Variants in ZNF44 observed in about 807,000 individuals in gnomAD.
The protein encoded by ZNF44 is gonadotropin inducible transcription repressor-2.
In ZNF44, 9 loss-of-function variants were observed where a neutral mutation model predicts 11.7. The observed-to-expected ratio is 0.77, with a 90% CI of 0.46 to 1.35. The LOEUF (loss-of-function observed/expected upper bound fraction) is 1.35. Among genes scored for constraint, ZNF44 ranks in the 40% most tolerant of loss-of-function variants. The pLI is 0.00. For missense variants in ZNF44, 696 were observed against 743.1 expected, an observed-to-expected ratio of 0.94 and a Z score of 0.74; for synonymous variants, 224 against 242.7, an observed-to-expected ratio of 0.92 and a Z score of 0.72.
intron 1 of ZNF44, among the ~76,000 whole-genome samples, chr19:12,289,940 C>T (rs1351422953): frequency 6.7e-6 from 1 of 149,832 alleles, no homozygotes; most frequent in Non-Finnish European, 1.5e-5. Context: ...CTAGAATAAA[C>T]TCATTTCTTA....
chr19:12,253,371 G>A lies in ZNF44; in HGVS notation c.1913-3003C>T, dbSNP rs541343446. 1.8e-4 allele frequency among the ~76,000 whole-genome samples: 27 copies of A among 151,584 alleles called. No individual in the cohort carries two copies. The East Asian group carries it at 5.3e-3, about 30-fold the overall frequency. On this transcript the variant is annotated intron_variant and NMD_transcript_variant, in intron 5 of 7. Transcript: ENST00000393337. ...CACCTGGCTAATTTTTGTATTTTTA[G>A]TAGAGAGAGGGTTTTGTCATGTTGG...
intron 1 of ZNF44, among the ~76,000 whole-genome samples, chr19:12,277,518 A>T (rs1967279605): frequency 6.6e-6 from 1 of 151,954 alleles, no homozygotes; most frequent in Non-Finnish European, 1.5e-5. Flanking sequence ...AAAGATGCTT[A>T]AAAAAAACCT....
At chr19:12,240,294 A>AATT (rs749670613), upstream of ZNF44, among the ~76,000 whole-genome samples, 2 of 151,766 alleles carry the variant, frequency 1.3e-5, no homozygotes, top group Non-Finnish European at 2.9e-5. Context: ...AAATACAAAA[A>AATT]ATTAGCCGGG....
chr19:12,262,737 C>A (rs1917562739), intron 5 of ZNF44, among the ~76,000 whole-genome samples: 1 of 152,210 alleles, frequency 6.6e-6, no homozygotes, highest in Non-Finnish European at 1.5e-5. Context: ...TGCTTGGTTC[C>A]AGAATTGTCT....
At chr19:12,279,838 A>G (rs1967389448) in intron 1 of ZNF44, among the ~76,000 whole-genome samples, 1 of 142,444 alleles carries the variant, frequency 7.0e-6, no homozygotes, top group African/African-American at 2.7e-5. Flanking sequence ...ATGAAGGTAA[A>G]ACAATTGAAA....
At chr19:12,250,073 T>C in intron 6 of ZNF44, 1 of 1,260,608 alleles carries the variant, frequency 7.9e-7, no homozygotes. Context: ...TATCATAAAT[T>C]ATTAGAAATT....
Position 12,294,677 on chromosome 19 carries a change from GC to G in ZNF44, c.3+14del. The G allele has an allele frequency of 1.3e-6, 2 of 1,560,054 alleles. No individual in the cohort carries two copies. Among genetic ancestry groups the G allele is most frequent in the Non-Finnish European group, 1.7e-6 (2 of 1,153,194 alleles). ...CCTTCGCCCTGCCTCAGGACGCCGGGCCCCGCACACTCACCATTTCCCGGCT... is the reference window on the plus strand; with the variant it reads ...CCTTCGCCCTGCCTCAGGACGCCGGGCCCGCACACTCACCATTTCCCGGCT... On this transcript the variant is annotated intron_variant, in intron 1 of 3. Transcript: ENST00000355684.
At chr19:12,256,037 C>CAAA (rs74180061) in intron 5 of ZNF44, among the ~76,000 whole-genome samples, 11 of 39,676 alleles carry the variant, frequency 2.8e-4, no homozygotes, top group South Asian at 1.4e-3. Context: ...AACTCTGTCT[C>CAAA]AAAAAAAAAA....
intron 1 of ZNF44, 95 bp downstream of exon 1, chr19:12,294,597 C>T: frequency 6.7e-7 from 1 of 1,498,352 alleles, no homozygotes. Context: ...ACCCCAAAGA[C>T]GCTGCGGCGA....
At chr19:12,282,110 C>T (rs1237653225) in intron 1 of ZNF44, among the ~76,000 whole-genome samples, 1 of 152,188 alleles carries the variant, frequency 6.6e-6, no homozygotes, top group Non-Finnish European at 1.5e-5. Context: ...AAGGGTTAGA[C>T]TGCCATCTTC....
chr19:12,240,778 T>C (rs909749558), upstream of ZNF44, among the ~76,000 whole-genome samples: 11 of 152,296 alleles, frequency 7.2e-5, no homozygotes, highest in African/African-American at 2.2e-4. Context: ...CCTTACCTTA[T>C]ATACAAAAAT....
At chr19:12,287,574 T>C (rs1599547995) in intron 1 of ZNF44, among the ~76,000 whole-genome samples, 1 of 152,204 alleles carries the variant, frequency 6.6e-6, no homozygotes, top group South Asian at 2.1e-4. Context: ...TCTTTCTGTG[T>C]CTGAGTTGTT....
At chr19:12,229,538 A>G (rs762781039) in intron 3 of ZNF44, among the ~76,000 whole-genome samples, 9 of 152,176 alleles carry the variant, frequency 5.9e-5, no homozygotes, top group African/African-American at 2.2e-4. Context: ...AACAAGATCT[A>G]TGAAGAGAAG....
At chr19:12,239,311 A>T (rs1364546427), upstream of ZNF44, among the ~76,000 whole-genome samples, 1 of 150,734 alleles carries the variant, frequency 6.6e-6, no homozygotes, top group African/African-American at 2.4e-5. Flanking sequence ...ACGGGGTTTC[A>T]CCATGTTGAC....
At chr19:12,262,420 A>G (rs1917545520) in intron 5 of ZNF44, among the ~76,000 whole-genome samples, 1 of 151,894 alleles carries the variant, frequency 6.6e-6, no homozygotes, top group Non-Finnish European at 1.5e-5. Flanking sequence ...ACAGGCGCAC[A>G]CCACCACACC....
chr19:12,294,823 G>T lies in ZNF44; in HGVS notation c.-129C>A. The T allele has an allele frequency of 9.0e-7, 1 of 1,105,440 alleles. No individual in the cohort carries two copies. The highest frequency in any genetic ancestry group is 1.2e-6 in the Non-Finnish European group (1 of 804,382). 68.5% of individuals were successfully genotyped at this position (1,105,440 alleles called of 1,614,324 possible). A position where few individuals can be genotyped will look rare whatever the true frequency, so the allele number is the denominator to read the frequency against. On this transcript the variant is annotated 5_prime_UTR_variant, in exon 1 of 4. Coordinates refer to ENST00000355684, the MANE Select transcript of ZNF44 (RefSeq NM_016264.4). ...AGAATACGGAACAGAGGTCACCAGGGTGAAGAGGCCACTAGCTCCTGGAAC... is the reference window on the plus strand; with the variant it reads ...AGAATACGGAACAGAGGTCACCAGGTTGAAGAGGCCACTAGCTCCTGGAAC...
At chr19:12,282,319 T>C (rs1459723564) in intron 1 of ZNF44, among the ~76,000 whole-genome samples, 1 of 152,120 alleles carries the variant, frequency 6.6e-6, no homozygotes, top group African/African-American at 2.4e-5. Context: ...ATCAGGTCAC[T>C]GGTCTCACAT....
chr19:12,286,886 C>A (rs956114466), intron 1 of ZNF44, among the ~76,000 whole-genome samples: 5 of 151,792 alleles, frequency 3.3e-5, no homozygotes, highest in African/African-American at 1.2e-4. Context: ...GATTGCACCA[C>A]TGCACTCCAG....
chr19:12,283,677 T>G (rs1198352662), intron 1 of ZNF44, among the ~76,000 whole-genome samples: 3 of 152,004 alleles, frequency 2.0e-5, no homozygotes, highest in Non-Finnish European at 2.9e-5. Flanking sequence ...TATAAGAAAA[T>G]AAAGTAGCTT....
Sources: gnomAD v4.1 joint callset for allele counts (sites outside exome capture counted in the v4.1 genomes callset) on GRCh38, gnomAD v4.1.1 for gene constraint, MANE v1.5 for transcripts, NCBI Gene and HGNC (gene_info 2026-07-23, HGNC 2026-07-21) for gene names.